Variants in ADD1 observed in about 807,000 individuals in gnomAD.
ADD1 encodes alpha-adducin.
ADD1 carries 24 observed loss-of-function variants against 80.5 expected under a neutral mutation model. That is an observed-to-expected ratio of 0.30 (90% confidence interval 0.22 to 0.42). The LOEUF is 0.42. Ranked by LOEUF, ADD1 falls within the 10% of genes least tolerant of loss-of-function variation. The pLI is 1.00. For synonymous variants in ADD1, 373 were observed against 393.8 expected (o/e 0.95, Z 0.63); for missense variants, 948 against 1,019.0 (o/e 0.93, Z 0.95).
chr4:2,907,614 T>C (rs1238710476), intron 10 of ADD1, 129 bp from the exon 11 acceptor site: 2 of 784,084 alleles, frequency 2.6e-6, no homozygotes, highest in African/African-American at 1.7e-5. Flanking sequence ...AGATTAGATG[T>C]GGTCATTGGT....
intron 14 of ADD1, among the ~76,000 whole-genome samples, chr4:2,922,886 C>T (rs1740301000): frequency 6.6e-6 from 1 of 152,244 alleles, no homozygotes; most frequent in Admixed American, 6.5e-5. Flanking sequence ...CTTTGCATAG[C>T]TGCGGTGGGC....
chr4:2,846,840 G>A (rs1459952098), intron 1 of ADD1, among the ~76,000 whole-genome samples: 4 of 144,958 alleles, frequency 2.8e-5, no homozygotes, highest in South Asian at 2.1e-4. Flanking sequence ...AAAAAAAGCC[G>A]AGCGTGGTGG....
At chr4:2,879,583 C>G (rs981824073) in intron 2 of ADD1, among the ~76,000 whole-genome samples, 4 of 152,120 alleles carry the variant, frequency 2.6e-5, no homozygotes, top group Admixed American at 1.3e-4. Context: ...GTGACCAGCA[C>G]TGTCTGTGAT....
intron 3 of ADD1, among the ~76,000 whole-genome samples, chr4:2,884,089 A>G (rs1008352677): frequency 1.3e-5 from 2 of 152,218 alleles, no homozygotes; most frequent in Admixed American, 1.3e-4. Context: ...TTAATCAGAA[A>G]GCCTTAAAAA....
chr4:2,885,860 T>A (rs1490036571), intron 4 of ADD1, among the ~76,000 whole-genome samples: 1 of 152,164 alleles, frequency 6.6e-6, no homozygotes, highest in Non-Finnish European at 1.5e-5. Flanking sequence ...TCCGCCCGCC[T>A]TGGCCTCCCA....
intron 14 of ADD1, among the ~76,000 whole-genome samples, chr4:2,920,960 G>GCCAC (rs1739922719): frequency 6.6e-6 from 1 of 152,106 alleles, no homozygotes; most frequent in African/African-American, 2.4e-5. Flanking sequence ...GTATGTTTTT[G>GCCAC]CAGTGGGTGG....
At chr4:2,846,259 A>G (rs948945866) in intron 1 of ADD1, among the ~76,000 whole-genome samples, 1 of 152,172 alleles carries the variant, frequency 6.6e-6, no homozygotes, top group African/African-American at 2.4e-5. Flanking sequence ...TAATTTATTT[A>G]TGGATGAAAC....
chr4:2,872,244 C>G (rs148114787), intron 1 of ADD1, among the ~76,000 whole-genome samples: 1 of 152,098 alleles, frequency 6.6e-6, no homozygotes, highest in East Asian at 1.9e-4. Context: ...AAATATTGTT[C>G]CCAAAGATTT....
intron 14 of ADD1, among the ~76,000 whole-genome samples, chr4:2,922,499 C>T (rs1740220676): frequency 6.6e-6 from 1 of 152,230 alleles, no homozygotes; most frequent in South Asian, 2.1e-4. Flanking sequence ...CTGCCTGTTC[C>T]TTCCTCTGGA....
intron 1 of ADD1, among the ~76,000 whole-genome samples, chr4:2,864,511 A>G (rs1165745906): frequency 2.6e-5 from 4 of 152,340 alleles, no homozygotes; most frequent in East Asian, 1.9e-4. Flanking sequence ...TGAAAATACA[A>G]TGTTCCAACA....
rs781120465 is a variant in ADD1, at chr4:2,926,029, C to A, written c.1964C>A (p.Ala655Asp). ...QKGSEENLDE[A>D]REQKEKSPPD... is the part of the protein sequence containing the mutation. ...TTCTCTGCAGAGAATCTGGACGAGG[C>A]TAGAGAACAGAAAGAAAAGAGTCCT... is the stretch of plus-strand genomic sequence containing the variant. The change falls in exon 15 of 16, where the codon GCT (alanine) becomes GAT (aspartate). Residue 655 changes from alanine to aspartate, a missense_variant. Ala to Asp is a moderately radical substitution (Grantham distance 126). Transcript: ENST00000683351. The surrounding 1 kb of genome is among the most constrained non-coding windows in gnomAD (Gnocchi z 5.0). 1.2e-6 allele frequency: 2 copies of A among 1,614,092 alleles called. No homozygotes were observed. Among genetic ancestry groups the A allele is most frequent in the Non-Finnish European group, 8.5e-7 (1 of 1,179,960 alleles).
intron 1 of ADD1, among the ~76,000 whole-genome samples, chr4:2,868,666 A>G (rs1353411922): frequency 6.6e-6 from 1 of 152,194 alleles, no homozygotes; most frequent in Non-Finnish European, 1.5e-5. Flanking sequence ...TTGTACAAAC[A>G]TGAGTTAGAA....
intron 13 of ADD1, among the ~76,000 whole-genome samples, chr4:2,911,043 C>G (rs973770137): frequency 6.6e-6 from 1 of 152,180 alleles, no homozygotes; most frequent in African/African-American, 2.4e-5. Context: ...AATTGTTCCA[C>G]TTCCTTTCAT....
intron 14 of ADD1, among the ~76,000 whole-genome samples, chr4:2,922,328 T>C (rs1740192188): frequency 6.6e-6 from 1 of 152,180 alleles, no homozygotes; most frequent in African/African-American, 2.4e-5. Context: ...TTCATGTGGA[T>C]GTCCTTTTTG....
At chr4:2,856,248 T>A (rs1728043769) in intron 1 of ADD1, among the ~76,000 whole-genome samples, 1 of 152,152 alleles carries the variant, frequency 6.6e-6, no homozygotes, top group Admixed American at 6.5e-5. Flanking sequence ...GATTGACAGT[T>A]ATTTCTTTTC....
chr4:2,915,693 C>T (rs141629736), intron 14 of ADD1, among the ~76,000 whole-genome samples: 8 of 152,060 alleles, frequency 5.3e-5, no homozygotes, highest in African/African-American at 1.9e-4. Flanking sequence ...TGTAGTGGCG[C>T]ATGCCTGTAA....
intron 1 of ADD1, among the ~76,000 whole-genome samples, chr4:2,852,753 C>T (rs1450612941): frequency 2.1e-5 from 3 of 142,268 alleles, no homozygotes; most frequent in African/African-American, 7.9e-5. Context: ...GGCTGAAGTG[C>T]AGCGGTGCGA....
chr4:2,876,144 C>T lies in ADD1; in HGVS notation c.195+34C>T. On this transcript the variant is annotated intron_variant, in intron 2 of 15. Transcript: ENST00000683351. ...AGAAGTCTTTTCTCTGACCAGATGT[C>T]ATCTTTCCTTTTCTAATACTTCAGG... 2.5e-6 allele frequency: 4 copies of T among 1,581,864 alleles called. 1 individual carries two copies. In the South Asian group the frequency reaches 4.7e-5, roughly 19 times the overall value.
At chr4:2,859,539 A>G (rs1728543315) in intron 1 of ADD1, among the ~76,000 whole-genome samples, 1 of 152,188 alleles carries the variant, frequency 6.6e-6, no homozygotes, top group African/African-American at 2.4e-5. Flanking sequence ...TCACATACTG[A>G]GAGAGATGCC....
Sources: gnomAD v4.1 joint callset for allele counts (sites outside exome capture counted in the v4.1 genomes callset) on GRCh38, gnomAD v4.1.1 for gene constraint, Gnocchi (gnomAD v3.1) non-coding constraint, MANE v1.5 for transcripts, NCBI Gene and HGNC (gene_info 2026-07-23, HGNC 2026-07-21) for gene names.